The following CTPS1 variants were observed in gnomAD, a reference collection of about 807,000 sequenced individuals.
The protein encoded by CTPS1 is CTP synthase 1.
Under a neutral mutation model 80.5 loss-of-function variants are expected in CTPS1, and 25 were observed. That is an observed-to-expected ratio of 0.31 (90% CI 0.23 to 0.43). The LOEUF (loss-of-function observed/expected upper bound fraction) is 0.43. Among genes scored for constraint, CTPS1 ranks in the 20% least tolerant of loss-of-function variants. The probability of loss-of-function intolerance (pLI) is 1.00; values close to 1 mark genes in which losing one functional copy is unlikely to be tolerated. For synonymous variants in CTPS1, 267 were observed against 252.5 expected (o/e 1.06, Z -0.54); for missense variants, 442 against 725.7 (o/e 0.61, Z 4.49).
chr1:41,004,886 T>C (rs1474152779), intron 12 of CTPS1, among the ~76,000 whole-genome samples: 3 of 151,888 alleles, frequency 2.0e-5, no homozygotes, highest in African/African-American at 4.8e-5. Flanking sequence ...CCCAGCACTT[T>C]GGGAGGCTGA....
At chr1:40,994,272 T>G (rs1642697633) in intron 7 of CTPS1, among the ~76,000 whole-genome samples, 1 of 152,214 alleles carries the variant, frequency 6.6e-6, no homozygotes, top group African/African-American at 2.4e-5. Flanking sequence ...TTAACTTTTG[T>G]GTGTAGTGTG....
At chr1:40,995,662 G>A (rs1642733511) in intron 7 of CTPS1, among the ~76,000 whole-genome samples, 1 of 152,020 alleles carries the variant, frequency 6.6e-6, no homozygotes, top group Non-Finnish European at 1.5e-5. Flanking sequence ...GCCTCCCAAA[G>A]TACTAGGATT....
chr1:41,002,383 A>G (rs547305663), intron 11 of CTPS1, 129 bp downstream of exon 11: 3 of 719,276 alleles, frequency 4.2e-6, no homozygotes, highest in South Asian at 3.3e-5. Context: ...GAGCTCAAGT[A>G]GAAGCCTTCA....
chr1:40,992,142 G>T (rs1368785176), intron 7 of CTPS1, among the ~76,000 whole-genome samples: 1 of 152,136 alleles, frequency 6.6e-6, no homozygotes, highest in South Asian at 2.1e-4. Context: ...GCTAATTTCT[G>T]TTAAGAACCC....
intron 16 of CTPS1, 123 bp from the exon 17 acceptor site, chr1:41,009,322 T>C: frequency 1.9e-6 from 2 of 1,034,208 alleles, no homozygotes; most frequent in Non-Finnish European, 1.4e-6. Flanking sequence ...TAGATTCAAA[T>C]GAGAAAGTCA....
At position 40,984,718 on chromosome 1, in the gene CTPS1, G is replaced by A. The variant is rs896795332; in HGVS notation, c.167-103G>A. 18 of 892,506 alleles carry A rather than the reference G, an allele frequency of 2.0e-5. No individual in the cohort carries two copies. In the South Asian group the frequency reaches 2.1e-4, roughly 10 times the overall value. The allele number at this position is 892,506 out of a possible 1,614,324, so 55.3% of individuals were successfully genotyped here. A position where few individuals can be genotyped will look rare whatever the true frequency, so the allele number is the denominator to read the frequency against. On this transcript the variant is annotated intron_variant, in intron 2 of 18. Coordinates refer to ENST00000650070, the MANE Select transcript of CTPS1 (RefSeq NM_001905.4). The stretch of plus-strand genomic sequence containing the variant: ...AGTGAATTTCTGTGCTTCCTATTAC[G>A]TAATTGCACACCTTGTTAATGAGTG...
chr1:40,989,287 G>A (rs35080169), intron 5 of CTPS1, among the ~76,000 whole-genome samples: 16,399 of 152,196 alleles, frequency 0.11, 1,265 homozygotes, highest in East Asian at 0.27. Context: ...CTTGTTCTCT[G>A]GGGAGGGTTC....
At chr1:40,987,103 G>C (rs915834203) in intron 3 of CTPS1, among the ~76,000 whole-genome samples, 2 of 152,164 alleles carry the variant, frequency 1.3e-5, no homozygotes, top group African/African-American at 2.4e-5. Context: ...CTCTGCACAG[G>C]GGCACGTGCG....
At position 41,008,640 on chromosome 1, in the gene CTPS1, A is replaced by G. The variant is rs757444657; in HGVS notation, c.1394-19A>G. On this transcript the variant is annotated intron_variant, in intron 14 of 18. Coordinates refer to ENST00000650070, the MANE Select transcript of CTPS1 (RefSeq NM_001905.4). ...CTGTGAGATAAAGTTCTTTACATAC[A>G]GCCCGTTTGTTTTGCCAGGGAAACT... 10 of 1,613,872 alleles carry G rather than the reference A, an allele frequency of 6.2e-6. No individual in the cohort carries two copies. Among genetic ancestry groups the G allele is most frequent in the South Asian group, 1.1e-5 (1 of 91,076 alleles).
At chr1:40,983,793 C>T (rs1368424301) in intron 2 of CTPS1, among the ~76,000 whole-genome samples, 1 of 151,902 alleles carries the variant, frequency 6.6e-6, no homozygotes, top group Non-Finnish European at 1.5e-5. Flanking sequence ...TGGCTAATTT[C>T]TAAATTTTTT....
chr1:40,997,589 G>A (rs1642788975), intron 9 of CTPS1, 63 bp downstream of exon 9: 1 of 1,548,618 alleles, frequency 6.5e-7, no homozygotes, highest in African/African-American at 1.4e-5. Context: ...AGTCTCGTAG[G>A]TGCTGTGTCA....
At position 41,007,322 on chromosome 1, in the gene CTPS1, G is replaced by A; in HGVS notation, c.1297-127G>A. 1 of 760,914 alleles carries A rather than the reference G, an allele frequency of 1.3e-6. No individual in the cohort carries two copies. Among genetic ancestry groups the A allele is most frequent in the Admixed American group, 2.6e-5 (1 of 38,544 alleles). 47.1% of individuals were successfully genotyped at this position (760,914 alleles called of 1,614,324 possible). A position where few individuals can be genotyped will look rare whatever the true frequency, so the allele number is the denominator to read the frequency against. ...GAGGCATTTTCTTCTGTGACAAAAT[G>A]TCTCATAAGGAAAGCCTGGAGAATT... On this transcript the variant is annotated intron_variant, in intron 13 of 18. Coordinates refer to ENST00000650070, the MANE Select transcript of CTPS1 (RefSeq NM_001905.4). The surrounding 1 kb of genome is among the most constrained non-coding windows in gnomAD (Gnocchi z 4.4).
At chr1:41,000,006 A>G (rs1299665647) in intron 9 of CTPS1, among the ~76,000 whole-genome samples, 2 of 152,196 alleles carry the variant, frequency 1.3e-5, no homozygotes, top group Non-Finnish European at 2.9e-5. Flanking sequence ...GTTAAAAAAG[A>G]AAAGGAACAA....
intron 9 of CTPS1, among the ~76,000 whole-genome samples, chr1:40,998,850 T>C (rs958867080): frequency 6.6e-6 from 1 of 152,226 alleles, no homozygotes; most frequent in Non-Finnish European, 1.5e-5. Context: ...TGCTTTGTGC[T>C]GCTGGACAGG....
chr1:40,988,092 T>C (rs1642504841), intron 4 of CTPS1, among the ~76,000 whole-genome samples: 1 of 152,030 alleles, frequency 6.6e-6, no homozygotes, highest in African/African-American at 2.4e-5. Context: ...TTGTACTTTT[T>C]TGGGAGAGGC....
At chr1:40,999,768 C>T (rs996667991) in intron 9 of CTPS1, among the ~76,000 whole-genome samples, 4 of 152,288 alleles carry the variant, frequency 2.6e-5, no homozygotes, top group South Asian at 4.1e-4. Context: ...GCTGAAATCT[C>T]GAAACAACCC....
At chr1:40,990,920 A>G (rs1463877130) in intron 5 of CTPS1, among the ~76,000 whole-genome samples, 2 of 152,182 alleles carry the variant, frequency 1.3e-5, no homozygotes, top group African/African-American at 2.4e-5. Context: ...TAAGAGTTGA[A>G]GAGCGGTTGT....
chr1:41,008,931 A>G, intron 16 of CTPS1, 41 bp downstream of exon 16: 1 of 1,500,126 alleles, frequency 6.7e-7, no homozygotes, highest in Non-Finnish European at 9.3e-7. Flanking sequence ...AAACTTAGTA[A>G]AGTTTTCTTG....
At chr1:40,983,250 TATC>T (rs1282787133) in intron 1 of CTPS1, 25 bp from the exon 2 acceptor site, 3 of 1,593,576 alleles carry the variant, frequency 1.9e-6, no homozygotes, top group Admixed American at 1.7e-5. Context: ...GATACATTTA[TATC>T]ATCTGTAATT....
Sources: gnomAD v4.1 joint callset for allele counts (sites outside exome capture counted in the v4.1 genomes callset) on GRCh38, gnomAD v4.1.1 for gene constraint, Gnocchi (gnomAD v3.1) non-coding constraint, MANE v1.5 for transcripts, NCBI Gene and HGNC (gene_info 2026-07-23, HGNC 2026-07-21) for gene names.